Variants in ZNF431 observed in about 807,000 individuals in gnomAD.
ZNF431 encodes zinc finger protein 431.
A neutral mutation model predicts 57.0 loss-of-function variants in ZNF431; 34 were observed. The ratio of observed to expected loss-of-function variants is 0.60; its 90% CI spans 0.45 to 0.79. The LOEUF is 0.79. Ranked by LOEUF, ZNF431 falls within the 30% of genes least tolerant of loss-of-function variation. ZNF431 has a pLI of 0.00. For synonymous variants in ZNF431, 207 were observed against 220.3 expected, an observed-to-expected ratio of 0.94 and a Z score of 0.54; for missense variants, 607 against 667.1, an observed-to-expected ratio of 0.91 and a Z score of 0.99.
Position 21,185,743 on chromosome 19 carries a change from G to C in ZNF431, c.*1709G>C, listed in dbSNP as rs564815356. The stretch of plus-strand genomic sequence containing the variant: ...CCCAAAGTGCTGGGATTACAGGCTT[G>C]AGCCACCACGCCCAGCCTGTAGCAT... On this transcript the variant is annotated 3_prime_UTR_variant, in exon 5 of 5. Coordinates refer to ENST00000311048, the MANE Select transcript of ZNF431 (RefSeq NM_133473.4). 6.6e-6 allele frequency: 1 copy of C among 152,236 alleles called. No individual in the cohort carries two copies. Among genetic ancestry groups the C allele is most frequent in the African/African-American group, 2.4e-5 (1 of 41,532 alleles). 9.4% of individuals were successfully genotyped at this position (152,236 alleles called of 1,614,324 possible).
At chr19:21,175,778 T>G (rs1318466335) in intron 4 of ZNF431, among the ~76,000 whole-genome samples, 5 of 152,192 alleles carry the variant, frequency 3.3e-5, no homozygotes, top group Non-Finnish European at 5.9e-5. Context: ...TGGCTGCATA[T>G]TAGTCTATGG....
At chr19:21,150,203 T>A in intron 2 of ZNF431, 1 of 556,030 alleles carries the variant, frequency 1.8e-6, no homozygotes. Context: ...GGTGAACTGG[T>A]TAATCACAGA....
intron 2 of ZNF431, among the ~76,000 whole-genome samples, chr19:21,159,416 A>T (rs1599590214): frequency 6.6e-6 from 1 of 152,218 alleles, no homozygotes; most frequent in South Asian, 2.1e-4. Flanking sequence ...CTCTGTTGCC[A>T]GGCTGGAGTG....
chr19:21,162,544 G>A (rs1327874169), intron 2 of ZNF431, among the ~76,000 whole-genome samples: 9 of 152,034 alleles, frequency 5.9e-5, no homozygotes, highest in Non-Finnish European at 1.2e-4. Flanking sequence ...GACCTCAGGC[G>A]ACTTACCCAC....
chr19:21,153,996 A>T (rs1970349470), intron 2 of ZNF431, among the ~76,000 whole-genome samples: 1 of 151,946 alleles, frequency 6.6e-6, no homozygotes. Context: ...GATTACAGGC[A>T]TGAGCCGCCG....
At chr19:21,160,271 CT>C (rs959897795) in intron 2 of ZNF431, among the ~76,000 whole-genome samples, 2 of 152,006 alleles carry the variant, frequency 1.3e-5, no homozygotes, top group African/African-American at 4.8e-5. Context: ...GCTTTTTAAG[CT>C]TTTTAGATCT....
chr19:21,172,303 G>GCC (rs201391736), intron 4 of ZNF431, among the ~76,000 whole-genome samples: 1 of 150,448 alleles, frequency 6.6e-6, no homozygotes, highest in Non-Finnish European at 1.5e-5. Flanking sequence ...TGGTGTATGT[G>GCC]TGTAATTTGA....
intron 2 of ZNF431, among the ~76,000 whole-genome samples, chr19:21,161,885 C>T (rs1970577118): frequency 6.6e-6 from 1 of 152,126 alleles, no homozygotes; most frequent in Admixed American, 6.5e-5. Context: ...AACTCCCGAC[C>T]TCAGGTGATT....
In ZNF431 at chr19:21,183,408, G is replaced by C. The variant is rs1333377683; in HGVS notation, c.1105G>C (p.Glu369Gln). 3 of 1,613,418 alleles carry C rather than the reference G, an allele frequency of 1.9e-6. No homozygotes were observed. Among genetic ancestry groups the C allele is most frequent in the Non-Finnish European group, 2.5e-6 (3 of 1,179,760 alleles). Residue 369 changes from glutamate to glutamine, a missense_variant, in exon 5 of 5, where the codon GAA becomes CAA. Transcript: ENST00000311048. ...LTKHKIIHTGEKSYKCEECGK... is the reference protein window; with the variant it reads ...LTKHKIIHTGQKSYKCEECGK... Reference sequence around the variant, plus strand: ...TAAACATAAGATAATTCATACTGGAGAAAAATCTTACAAATGTGAAGAATG... The same window carrying C: ...TAAACATAAGATAATTCATACTGGACAAAAATCTTACAAATGTGAAGAATG...
chr19:21,173,965 T>A (rs924256318), intron 4 of ZNF431, among the ~76,000 whole-genome samples: 16 of 151,998 alleles, frequency 1.1e-4, no homozygotes, highest in African/African-American at 3.9e-4. Context: ...TTCTTTTTTT[T>A]TTGGGAGTCT....
intron 2 of ZNF431, among the ~76,000 whole-genome samples, chr19:21,163,955 T>C (rs71339738): frequency 6.6e-5 from 10 of 151,172 alleles, no homozygotes; most frequent in Admixed American, 4.6e-4. Context: ...GTGGTGTGTG[T>C]CTGTAATCCC....
chr19:21,162,360 G>A (rs1970597756), intron 2 of ZNF431, among the ~76,000 whole-genome samples: 1 of 152,116 alleles, frequency 6.6e-6, no homozygotes, highest in African/African-American at 2.4e-5. Flanking sequence ...ATTTAGTAGA[G>A]ACAGGGTTTC....
Position 21,192,475 on chromosome 19 carries a change from T to A in ZNF431, c.*8441T>A, listed in dbSNP as rs1238761751. 6.6e-6 allele frequency: 1 copy of A among 152,208 alleles called. No individual in the cohort carries two copies. The highest frequency in any genetic ancestry group is 1.5e-5 in the Non-Finnish European group (1 of 68,036). The allele number at this position is 152,208 out of a possible 1,614,324, so 9.4% of individuals were successfully genotyped here. A position where few individuals can be genotyped will look rare whatever the true frequency, so the allele number is the denominator to read the frequency against. On this transcript the variant is annotated 3_prime_UTR_variant, in exon 5 of 5. Coordinates refer to ENST00000311048, the MANE Select transcript of ZNF431 (RefSeq NM_133473.4). ...GTCACTGCACCTTGCCTGTTTATAA[T>A]TTTTAAGATTTACTAAGGTCTTAGG...
Position 21,186,354 on chromosome 19 carries a change from T to C in ZNF431, c.*2320T>C, listed in dbSNP as rs1971374860. 6.6e-6 allele frequency: 1 copy of C among 152,186 alleles called. No homozygotes were observed. Among genetic ancestry groups the C allele is most frequent in the Non-Finnish European group, 1.5e-5 (1 of 68,038 alleles). 9.4% of individuals were successfully genotyped at this position (152,186 alleles called of 1,614,324 possible). ...CATGTGGCCTGTCTGCCTGCAAACA[T>C]ATACAGACTTTTAGTTTTGATTCAT... On this transcript the variant is annotated 3_prime_UTR_variant, in exon 5 of 5. Transcript: ENST00000311048.
At chr19:21,168,840 T>G (rs921047834) in intron 4 of ZNF431, among the ~76,000 whole-genome samples, 1 of 152,188 alleles carries the variant, frequency 6.6e-6, no homozygotes, top group Non-Finnish European at 1.5e-5. Flanking sequence ...TTTAAGTGTA[T>G]GGAACCATAA....
intron 4 of ZNF431, among the ~76,000 whole-genome samples, chr19:21,173,463 G>T (rs1426429683): frequency 1.3e-5 from 2 of 152,048 alleles, no homozygotes; most frequent in African/African-American, 4.8e-5. Flanking sequence ...AAAACATGTA[G>T]TATATTTTTA....
chr19:21,161,784 G>C (rs917137905), intron 2 of ZNF431, among the ~76,000 whole-genome samples: 5 of 151,892 alleles, frequency 3.3e-5, no homozygotes, highest in African/African-American at 1.2e-4. Flanking sequence ...CTCCCGAGTA[G>C]CTGGGATTAC....
Position 21,188,730 on chromosome 19 carries a change from C to G in ZNF431, c.*4696C>G, listed in dbSNP as rs923445710. ...TCTGAAAAACATTTGGAGATCATGA[C>G]AGCGTTTGGATTAAAACATTTCTGT... On this transcript the variant is annotated 3_prime_UTR_variant, in exon 5 of 5. Transcript: ENST00000311048. 4 of 152,132 alleles carry G rather than the reference C, an allele frequency of 2.6e-5. No individual in the cohort carries two copies. The highest frequency in any genetic ancestry group is 5.9e-5 in the Non-Finnish European group (4 of 68,032). 9.4% of individuals were successfully genotyped at this position (152,132 alleles called of 1,614,324 possible). A position where few individuals can be genotyped will look rare whatever the true frequency, so the allele number is the denominator to read the frequency against.
rs896426368 is a variant in ZNF431 at position 21,185,952 on chromosome 19, C to T, written c.*1918C>T. The T allele has an allele frequency of 3.3e-5, 5 of 151,962 alleles. No individual in the cohort carries two copies. The highest frequency in any genetic ancestry group is 1.3e-4 in the Admixed American group (2 of 15,250). 9.4% of individuals were successfully genotyped at this position (151,962 alleles called of 1,614,324 possible). A position where few individuals can be genotyped will look rare whatever the true frequency, so the allele number is the denominator to read the frequency against. On this transcript the variant is annotated 3_prime_UTR_variant, in exon 5 of 5. Transcript: ENST00000311048. ...TTATCGTCATAATAAAAATTATATA[C>T]GAGTATAAATGAAATTCATTTCTAA...
Sources: gnomAD v4.1 joint callset for allele counts (sites outside exome capture counted in the v4.1 genomes callset) on GRCh38, gnomAD v4.1.1 for gene constraint, MANE v1.5 for transcripts, NCBI Gene and HGNC (gene_info 2026-07-23, HGNC 2026-07-21) for gene names.